Variants in KRT72 observed in about 807,000 individuals in gnomAD.
The protein encoded by KRT72 is keratin 72, also known as keratin, type II cytoskeletal 72.
In KRT72, 44 loss-of-function variants were observed where a neutral mutation model predicts 44.7. The ratio of observed to expected loss-of-function variants is 0.98; its 90% confidence interval spans 0.77 to 1.27. KRT72 has a LOEUF of 1.27. Ranked by LOEUF, KRT72 falls within the 50% of genes most tolerant of loss-of-function variation. KRT72 has a pLI of 0.00. For synonymous variants in KRT72, 302 were observed against 280.4 expected, an observed-to-expected ratio of 1.08 and a Z score of -0.77; for missense variants, 736 against 667.1, an observed-to-expected ratio of 1.10 and a Z score of -1.14.
rs1374187456 is a variant in KRT72 at position 52,591,547 on chromosome 12, T to C, written c.880A>G (p.Ser294Gly). The C allele has an allele frequency of 1.9e-6, 3 of 1,614,110 alleles. No homozygotes were observed. The South Asian group carries it at 3.3e-5, about 18-fold the overall frequency. ...TGGGCACGGACCTCGGCAATGATGC[T>C]GTCCAGGTCCAGATCCCGGTTGTTG... is the stretch of plus-strand genomic sequence containing the variant. ...MDNNRDLDLD[S>G]IIAEVRAQYE... The change falls in exon 5 of 9, where the codon AGC (serine) becomes GGC (glycine). Residue 294 changes from serine (S) to glycine (G), a missense_variant. Transcript: ENST00000293745.
rs1443648219 is a variant in KRT72 at position 52,586,189 on chromosome 12, A to G, written c.1346-17T>C. ...TGATGACGGCTGGAATGGATGAGAG[A>G]AGACCTCAGCCCCCGTCAGCTCTAG... On this transcript the variant is annotated splice_polypyrimidine_tract_variant and intron_variant, in intron 8 of 8. Transcript: ENST00000293745. 5 of 1,606,584 alleles carry G rather than the reference A, an allele frequency of 3.1e-6. No individual in the cohort carries two copies. In the South Asian group the frequency reaches 5.5e-5, roughly 18 times the overall value.
intron 8 of KRT72, among the ~76,000 whole-genome samples, chr12:52,586,413 C>G (rs887860093): frequency 1.3e-4 from 20 of 152,334 alleles, no homozygotes; most frequent in Admixed American, 1.3e-3. Context: ...TGTGAATTTC[C>G]CCCATGGGCA....
intron 5 of KRT72, 73 bp downstream of exon 5, chr12:52,591,391 C>A (rs908326391): frequency 1.3e-5 from 19 of 1,478,008 alleles, no homozygotes; most frequent in Non-Finnish European, 1.7e-5. Context: ...CGCACACACA[C>A]GTACACATGC....
At chr12:52,596,057 T>C (rs1449544364) in intron 2 of KRT72, among the ~76,000 whole-genome samples, 1 of 152,238 alleles carries the variant, frequency 6.6e-6, no homozygotes, top group African/African-American at 2.4e-5. Flanking sequence ...TGGGGTACTT[T>C]GTAGGCACAA....
At position 52,601,017 on chromosome 12, in the gene KRT72, G is replaced by C. The variant is rs764874901; in HGVS notation, c.426+10C>G. The C allele has an allele frequency of 8.7e-6, 14 of 1,610,762 alleles. No homozygotes were observed. The Admixed American group carries it at 2.4e-4, about 27-fold the overall frequency. ...CCAACGCAGGGACAGGCCAATGCCC[G>C]AGGACTCACCTTGTCGATGAAGGAG... is the stretch of plus-strand genomic sequence containing the variant. On this transcript the variant is annotated intron_variant, in intron 1 of 8. Transcript: ENST00000293745.
At chr12:52,601,481 G>A (rs756106435), upstream of KRT72, 4 of 1,530,308 alleles carry the variant, frequency 2.6e-6, no homozygotes, top group Admixed American at 2.0e-5. Flanking sequence ...CTGGCCGCGC[G>A]GGAGGCAGAA....
chr12:52,587,987 C>G, intron 6 of KRT72, 136 bp from the exon 7 acceptor site: 1 of 807,590 alleles, frequency 1.2e-6, no homozygotes, highest in Non-Finnish European at 1.9e-6. Context: ...TTTGGCCATC[C>G]CTAGAGGTGA....
intron 3 of KRT72, 49 bp from the exon 4 acceptor site, chr12:52,592,540 ATCCC>A (rs1247121242): frequency 1.5e-6 from 2 of 1,329,144 alleles, no homozygotes; most frequent in Non-Finnish European, 2.1e-6. Context: ...TCCCCTGCCC[ATCCC>A]TCCCTCCCTG....
chr12:52,591,608 G>A lies in KRT72; in HGVS notation c.819C>T (p.Ser273=). The A allele has an allele frequency of 2.5e-6, 4 of 1,613,304 alleles. No individual in the cohort carries two copies. The highest frequency in any genetic ancestry group is 3.4e-6 in the Non-Finnish European group (4 of 1,179,328). The change falls in exon 5 of 9, where the codon TCC becomes TCT. Residue 273 remains serine (S), a synonymous_variant. Coordinates refer to ENST00000293745, the MANE Select transcript of KRT72 (RefSeq NM_080747.3). ...GGACGATGGACGTGTCGCTGATGTGGGACTGGATCTGAGTGATCTCCTGGG... is the reference window on the plus strand; with the variant it reads ...GGACGATGGACGTGTCGCTGATGTGAGACTGGATCTGAGTGATCTCCTGGG... ...LYEGEITQIQ[S]HISDTSIVLS...
Position 52,586,118 on chromosome 12 carries a change from A to G in KRT72, c.1400T>C (p.Phe467Ser). The G allele has an allele frequency of 6.2e-7, 1 of 1,614,134 alleles. No homozygotes were observed. The highest frequency in any genetic ancestry group is 8.5e-7 in the Non-Finnish European group (1 of 1,180,014). ...GTAGCTATAACTGCTTGAGGCGCCAAAGCCCATGCTGAAGCCAGCCCCTCC... is the reference window on the plus strand; with the variant it reads ...GTAGCTATAACTGCTTGAGGCGCCAGAGCCCATGCTGAAGCCAGCCCCTCC... ...GAGGAGFSMG[F>S]GASSSYSYKT... Residue 467 changes from phenylalanine to serine, a missense_variant, in exon 9 of 9, where the codon TTT becomes TCT. Phe to Ser is a radical substitution (Grantham distance 155). Transcript: ENST00000293745.
At chr12:52,586,613 C>T (rs1939758599) in intron 8 of KRT72, among the ~76,000 whole-genome samples, 4 of 152,260 alleles carry the variant, frequency 2.6e-5, no homozygotes. Flanking sequence ...CATTCCATCA[C>T]TCAACCCTTC....
At chr12:52,600,494 G>A (rs754780417) in intron 1 of KRT72, among the ~76,000 whole-genome samples, 1 of 152,154 alleles carries the variant, frequency 6.6e-6, no homozygotes, top group Admixed American at 6.5e-5. Context: ...GAATTCCCAC[G>A]TGTTGTGGGA....
Position 52,595,708 on chromosome 12 carries a change from A to T in KRT72, c.642-2756T>A, listed in dbSNP as rs73107602. Reference sequence around the variant, plus strand: ...TTTTTTAAGGATAAAGAATTGGCATAGGTGTATTGAGTACTAACAATGTTT... The same window carrying T: ...TTTTTTAAGGATAAAGAATTGGCATTGGTGTATTGAGTACTAACAATGTTT... On this transcript the variant is annotated intron_variant, in intron 2 of 8. Transcript: ENST00000293745. 2.7e-3 allele frequency among the ~76,000 whole-genome samples: 409 copies of T among 152,374 alleles called. 1 individual carries two copies. Among genetic ancestry groups the T allele is most frequent in the Non-Finnish European group, 4.7e-3 (320 of 68,040 alleles).
chr12:52,602,883 T>C (rs1240893205), upstream of KRT72, among the ~76,000 whole-genome samples: 1 of 152,200 alleles, frequency 6.6e-6, no homozygotes, highest in East Asian at 1.9e-4. Context: ...CCGAAGCGTT[T>C]ACTCCACGGG....
upstream of KRT72, chr12:52,601,471 C>T: frequency 6.5e-7 from 1 of 1,532,438 alleles, no homozygotes; most frequent in East Asian, 2.5e-5. Context: ...AGTACCGGTG[C>T]TGGCCGCGCG....
rs746052399 is a variant in KRT72, at chr12:52,592,503, T to A, written c.703-12A>T. ...GCAGCATCCACGTCCTGGGAGCACA[T>A]GATAGTCAAGCCGCCCTGAGAGGGC... On this transcript the variant is annotated splice_polypyrimidine_tract_variant and intron_variant, in intron 3 of 8. Transcript: ENST00000293745. 9 of 1,611,278 alleles carry A rather than the reference T, an allele frequency of 5.6e-6. No homozygotes were observed. Among genetic ancestry groups the A allele is most frequent in the Admixed American group, 1.7e-5 (1 of 59,724 alleles).
rs1279425121 is a variant in KRT72 at position 52,599,432 on chromosome 12, C to G, written c.427-320G>C. ...TTTCTGAGTAAAGAGAAATGGGGAG[C>G]AGGGGAGAAACAGGGACTGGGGAGT... On this transcript the variant is annotated intron_variant, in intron 1 of 8. Coordinates refer to ENST00000293745, the MANE Select transcript of KRT72 (RefSeq NM_080747.3). 4 of 480,302 alleles carry G rather than the reference C, an allele frequency of 8.3e-6. No individual in the cohort carries two copies. The Admixed American group carries it at 9.2e-5, about 11-fold the overall frequency. The allele number at this position is 480,302 out of a possible 1,614,324, so 29.8% of individuals were successfully genotyped here.
chr12:52,600,199 CT>C (rs930322991), intron 1 of KRT72, among the ~76,000 whole-genome samples: 29 of 152,246 alleles, frequency 1.9e-4, no homozygotes, highest in Admixed American at 7.2e-4. Context: ...TTTTCTGGCC[CT>C]TTTCTCTCAC....
At chr12:52,602,775 T>G (rs1940520269), upstream of KRT72, among the ~76,000 whole-genome samples, 1 of 152,228 alleles carries the variant, frequency 6.6e-6, no homozygotes, top group African/African-American at 2.4e-5. Flanking sequence ...CCCTGAAGGC[T>G]GGGTTCCCCT....
Sources: allele counts gnomAD v4.1 joint callset (sites outside exome capture counted in the v4.1 genomes callset), GRCh38; gene constraint gnomAD v4.1.1; transcripts MANE v1.5; gene names NCBI Gene and HGNC (gene_info 2026-07-23, HGNC 2026-07-21).